Variants in GRID1 observed in about 807,000 individuals in gnomAD.
The protein encoded by GRID1 is glutamate receptor ionotropic, delta-1.
GRID1 carries 28 observed loss-of-function variants against 98.0 expected under a neutral mutation model. That is an observed-to-expected ratio of 0.29 (90% CI 0.21 to 0.39). The LOEUF (loss-of-function observed/expected upper bound fraction) is 0.39, where lower values mean the gene tolerates loss of function less well. Ranked by LOEUF, GRID1 falls within the 10% of genes least tolerant of loss-of-function variation. GRID1 has a pLI of 1.00. For synonymous variants in GRID1, 553 were observed against 538.5 expected, an observed-to-expected ratio of 1.03 and a Z score of -0.37; for missense variants, 1,111 against 1,340.5, an observed-to-expected ratio of 0.83 and a Z score of 2.67.
At chr10:85,843,257 C>T (rs1842976323) in intron 8 of GRID1, among the ~76,000 whole-genome samples, 1 of 151,890 alleles carries the variant, frequency 6.6e-6, no homozygotes, top group Admixed American at 6.6e-5. Context: ...AAATGAACTT[C>T]AACCTAAACT....
At chr10:85,970,256 C>A (rs1039315933) in intron 4 of GRID1, among the ~76,000 whole-genome samples, 3 of 151,990 alleles carry the variant, frequency 2.0e-5, no homozygotes, top group African/African-American at 7.2e-5. Context: ...AGATTTAATG[C>A]CATGCCTTCA....
At chr10:86,159,640 G>C (rs555066038) in intron 3 of GRID1, among the ~76,000 whole-genome samples, 86 of 152,356 alleles carry the variant, frequency 5.6e-4, no homozygotes, top group African/African-American at 1.9e-3. Context: ...AGCTGGGCCA[G>C]AGCCTTGTCT....
At chr10:85,981,740 T>C (rs1564641618) in intron 4 of GRID1, among the ~76,000 whole-genome samples, 4 of 152,310 alleles carry the variant, frequency 2.6e-5, no homozygotes, top group African/African-American at 9.6e-5. Flanking sequence ...GCACCTACTA[T>C]GTGTCGGATG....
intron 5 of GRID1, among the ~76,000 whole-genome samples, chr10:85,889,314 C>T (rs1372522510): frequency 1.3e-5 from 2 of 152,172 alleles, no homozygotes; most frequent in African/African-American, 2.4e-5. Flanking sequence ...GTAACATTCA[C>T]CAACTTCTCT....
At chr10:85,657,538 G>T (rs1209480253) in intron 12 of GRID1, among the ~76,000 whole-genome samples, 1 of 152,206 alleles carries the variant, frequency 6.6e-6, no homozygotes, top group African/African-American at 2.4e-5. Context: ...AAAATATCTA[G>T]ATTTGATATT....
At chr10:85,905,816 C>T (rs1841453150) in intron 5 of GRID1, among the ~76,000 whole-genome samples, 1 of 151,890 alleles carries the variant, frequency 6.6e-6, no homozygotes, top group Non-Finnish European at 1.5e-5. Context: ...GCAATTCACC[C>T]ATAAGAGGTT....
intron 8 of GRID1, among the ~76,000 whole-genome samples, chr10:85,732,789 T>C (rs781632249): frequency 1.3e-5 from 2 of 152,214 alleles, no homozygotes; most frequent in Non-Finnish European, 2.9e-5. Flanking sequence ...CCTAAGACTT[T>C]TCAGCTTGGC....
intron 4 of GRID1, among the ~76,000 whole-genome samples, chr10:86,025,662 T>C (rs1221246462): frequency 6.6e-6 from 1 of 152,176 alleles, no homozygotes; most frequent in Non-Finnish European, 1.5e-5. Context: ...ATACATATAG[T>C]AAGTGGCAGG....
At chr10:86,044,233 G>A (rs1287659528) in intron 4 of GRID1, among the ~76,000 whole-genome samples, 2 of 152,326 alleles carry the variant, frequency 1.3e-5, no homozygotes, top group South Asian at 4.1e-4. Flanking sequence ...GGGGTGAAGT[G>A]GCTAATGGCA....
At chr10:85,977,962 A>G (rs966068391) in intron 4 of GRID1, among the ~76,000 whole-genome samples, 2 of 152,198 alleles carry the variant, frequency 1.3e-5, no homozygotes, top group African/African-American at 4.8e-5. Flanking sequence ...ACGCCACTCC[A>G]GGGCCCACAT....
intron 13 of GRID1, among the ~76,000 whole-genome samples, chr10:85,635,121 T>A (rs1843022781): frequency 6.6e-6 from 1 of 151,662 alleles, no homozygotes; most frequent in African/African-American, 2.4e-5. Flanking sequence ...GCATGGATAT[T>A]GGTTTGATTC....
intron 4 of GRID1, among the ~76,000 whole-genome samples, chr10:86,026,323 A>G (rs1011099045): frequency 7.2e-5 from 11 of 152,204 alleles, no homozygotes; most frequent in Admixed American, 3.3e-4. Context: ...TTTCTGCCAC[A>G]ACTTCAAGTG....
chr10:86,083,959 G>T (rs1844013443), intron 4 of GRID1, among the ~76,000 whole-genome samples: 1 of 152,220 alleles, frequency 6.6e-6, no homozygotes, highest in Non-Finnish European at 1.5e-5. Flanking sequence ...CCAAGGGAAG[G>T]GGCGAGGCTT....
intron 2 of GRID1, among the ~76,000 whole-genome samples, chr10:86,217,882 A>T (rs1476728462): frequency 6.6e-6 from 1 of 151,896 alleles, no homozygotes; most frequent in Non-Finnish European, 1.5e-5. Flanking sequence ...TGGACAGGCC[A>T]CACCACAGAG....
chr10:85,775,618 G>A (rs947576365), intron 8 of GRID1, among the ~76,000 whole-genome samples: 8 of 152,198 alleles, frequency 5.3e-5, no homozygotes, highest in East Asian at 3.9e-4. Context: ...GAGATCCATC[G>A]TAGCCCAAAC....
chr10:86,101,595 G>A (rs1844296713), intron 4 of GRID1, among the ~76,000 whole-genome samples: 2 of 150,900 alleles, frequency 1.3e-5, no homozygotes, highest in Non-Finnish European at 2.9e-5. Context: ...GTTGCTGTAT[G>A]TAACAGGAGT....
intron 12 of GRID1, among the ~76,000 whole-genome samples, chr10:85,697,838 T>TA (rs1590194345): frequency 6.6e-6 from 1 of 152,208 alleles, no homozygotes; most frequent in East Asian, 1.9e-4. Context: ...TAAAAACACT[T>TA]AGAGATCTAG....
At chr10:85,684,024 ATAAAGTGT>A (rs1187812854) in intron 12 of GRID1, among the ~76,000 whole-genome samples, 2 of 152,232 alleles carry the variant, frequency 1.3e-5, no homozygotes, top group Non-Finnish European at 2.9e-5. Context: ...AGAACAGGCC[ATAAAGTGT>A]TATTTCCCTT....
chr10:85,874,440 T>C (rs1843308013), intron 5 of GRID1, among the ~76,000 whole-genome samples: 1 of 152,232 alleles, frequency 6.6e-6, no homozygotes, highest in Non-Finnish European at 1.5e-5. Flanking sequence ...AATTTTATTT[T>C]CACTTCCCTA....
Sources: gnomAD v4.1 joint callset for allele counts (sites outside exome capture counted in the v4.1 genomes callset) on GRCh38, gnomAD v4.1.1 for gene constraint, MANE v1.5 for transcripts, NCBI Gene and HGNC (gene_info 2026-07-23, HGNC 2026-07-21) for gene names.